Variants in PCDHA10 observed in about 807,000 individuals in gnomAD.
PCDHA10 encodes protocadherin alpha 10.
PCDHA10 carries 45 observed loss-of-function variants against 61.2 expected under a neutral mutation model. The observed-to-expected ratio is 0.74, with a 90% CI of 0.58 to 0.94. PCDHA10 has a LOEUF of 0.94. PCDHA10 is among the 40% of genes least tolerant of loss of function. PCDHA10 has a pLI of 0.00. For missense variants in PCDHA10, 1,278 were observed against 1,236.2 expected (o/e 1.03, Z -0.51); for synonymous variants, 602 against 548.8 (o/e 1.10, Z -1.35).
chr5:140,857,485 G>C lies in PCDHA10; in HGVS notation c.1437G>C (p.Trp479Cys), dbSNP rs1554150101. 1 of 1,598,368 alleles carries C rather than the reference G, an allele frequency of 6.3e-7. No homozygotes were observed. Among genetic ancestry groups the C allele is most frequent in the Non-Finnish European group, 8.6e-7 (1 of 1,167,876 alleles). The change falls in exon 1 of 4, where the codon TGG becomes TGC. Residue 479 changes from tryptophan to cysteine, a missense_variant. Trp to Cys is a radical substitution (Grantham distance 215, BLOSUM62 -2). Transcript: ENST00000307360. The stretch of plus-strand genomic sequence containing the variant: ...GCCACATCTTCACGGTGTCTGCGTG[G>C]GACGCGGACGCGCAGGAGAACGCCC... The part of the protein sequence containing the change: ...PGCHIFTVSA[W>C]DADAQENALV...
chr5:140,875,891 T>C (rs781902632), intron 1 of PCDHA10: 3 of 1,614,008 alleles, frequency 1.9e-6, no homozygotes, highest in Non-Finnish European at 2.5e-6. Context: ...GAACAAAAGG[T>C]ACCTGTTTCT....
chr5:140,857,777 A>C lies in PCDHA10; in HGVS notation c.1729A>C (p.Ser577Arg). The change falls in exon 1 of 4, where the codon AGT becomes CGT. Residue 577 changes from serine (S) to arginine (R), a missense_variant. By Grantham distance (110) the Ser-to-Arg change is moderately radical. Transcript: ENST00000307360. ...CGCTGGCAGCGCGGGCGGTGCAGTC[A>C]GTGAGCTGGTGCTGCGGTCGGTGGT... Reference protein sequence around the residue: ...SPAGSAGGAVSELVLRSVVAG... With the variant: ...SPAGSAGGAVRELVLRSVVAG... 6.3e-7 allele frequency: 1 copy of C among 1,597,518 alleles called. No homozygotes were observed. Among genetic ancestry groups the C allele is most frequent in the South Asian group, 1.1e-5 (1 of 90,488 alleles).
intron 1 of PCDHA10, chr5:140,871,459 G>A (rs781872546): frequency 6.2e-6 from 10 of 1,605,178 alleles, no homozygotes; most frequent in Admixed American, 1.7e-5. Flanking sequence ...GGAGGAAGGG[G>A]AAAGACAGGA....
intron 1 of PCDHA10, chr5:140,868,793 C>T: frequency 3.1e-6 from 1 of 326,092 alleles, no homozygotes; most frequent in Non-Finnish European, 5.5e-6. Context: ...CTGAATATTC[C>T]ATAAATAAGC....
chr5:140,968,201 C>T, intron 1 of PCDHA10: 1 of 1,614,032 alleles, frequency 6.2e-7, no homozygotes, highest in Non-Finnish European at 8.5e-7. Context: ...CATCTACATA[C>T]AGGAGAACAA....
chr5:140,967,610 T>A, intron 1 of PCDHA10: 1 of 1,614,108 alleles, frequency 6.2e-7, no homozygotes, highest in Non-Finnish European at 8.5e-7. Context: ...GCTGAATGCC[T>A]CAGACCCGGA....
At chr5:140,993,532 AG>A (rs2097571069) in intron 3 of PCDHA10, among the ~76,000 whole-genome samples, 7 of 152,102 alleles carry the variant, frequency 4.6e-5, no homozygotes, top group African/African-American at 1.7e-4. Context: ...ACAGAGAGAG[AG>A]AGAGATAGAG....
chr5:141,001,946 G>A (rs1554258360), intron 3 of PCDHA10, among the ~76,000 whole-genome samples: 4 of 147,266 alleles, frequency 2.7e-5, no homozygotes, highest in African/African-American at 1.1e-4. Flanking sequence ...CGGAAATAAG[G>A]AGGAGGGAGA....
At chr5:140,890,753 C>G (rs1274674281) in intron 1 of PCDHA10, among the ~76,000 whole-genome samples, 1 of 152,114 alleles carries the variant, frequency 6.6e-6, no homozygotes, top group African/African-American at 2.4e-5. Context: ...TTCTGTCATG[C>G]TTTAAAAATA....
At chr5:140,980,595 A>G (rs2096897056) in intron 2 of PCDHA10, among the ~76,000 whole-genome samples, 1 of 152,222 alleles carries the variant, frequency 6.6e-6, no homozygotes, top group South Asian at 2.1e-4. Context: ...GAGCCACTGC[A>G]CTCCAGCCTG....
chr5:140,968,080 G>A (rs782815703), intron 1 of PCDHA10: 14 of 1,614,102 alleles, frequency 8.7e-6, no homozygotes, highest in Middle Eastern at 1.7e-4. Context: ...ACAACATCAC[G>A]GTGACAGCCA....
At position 140,912,253 on chromosome 5, in the gene PCDHA10, G is replaced by A. The variant is rs531201374; in HGVS notation, c.2388+53817G>A. Among the ~76,000 whole-genome samples the A allele has an allele frequency of 4.8e-4, 73 of 152,064 alleles. 1 individual carries two copies. The highest frequency in any genetic ancestry group is 1.5e-3 in the South Asian group (7 of 4,810). ...ACTGACTCAAATGTTAATCTCCTTTGATGACACCCTCACAGATATACCCAG... is the reference window on the plus strand; with the variant it reads ...ACTGACTCAAATGTTAATCTCCTTTAATGACACCCTCACAGATATACCCAG... On this transcript the variant is annotated intron_variant, in intron 1 of 3. Coordinates refer to ENST00000307360, the MANE Select transcript of PCDHA10 (RefSeq NM_018901.4).
At chr5:140,959,956 G>A (rs78198535) in intron 1 of PCDHA10, among the ~76,000 whole-genome samples, 3,568 of 152,304 alleles carry the variant, frequency 0.023, 49 homozygotes, top group Middle Eastern at 0.034. Flanking sequence ...TCATAGGTAG[G>A]AGGTAGATGT....
chr5:140,870,836 A>G (rs375475405), intron 1 of PCDHA10: 3 of 1,613,796 alleles, frequency 1.9e-6, no homozygotes, highest in Non-Finnish European at 2.5e-6. Flanking sequence ...GCAGTTAACA[A>G]GCTAGTACCG....
chr5:140,857,591 A>C lies in PCDHA10; in HGVS notation c.1543A>C (p.Lys515Gln). ...SYVSVHAESGKVYALQPLDHE... is the reference protein window; with the variant it reads ...SYVSVHAESGQVYALQPLDHE... ...CGTGTCGGTGCACGCGGAGAGCGGC[A>C]AGGTGTACGCGCTGCAGCCGCTGGA... Residue 515 changes from lysine (K) to glutamine (Q), a missense_variant, in exon 1 of 4, where the codon AAG becomes CAG. Transcript: ENST00000307360. The C allele has an allele frequency of 6.3e-7, 1 of 1,596,270 alleles. No homozygotes were observed. The highest frequency in any genetic ancestry group is 8.6e-7 in the Non-Finnish European group (1 of 1,167,622).
intron 1 of PCDHA10, among the ~76,000 whole-genome samples, chr5:140,921,929 A>C (rs2080500807): frequency 6.6e-6 from 1 of 152,126 alleles, no homozygotes; most frequent in African/African-American, 2.4e-5. Flanking sequence ...CTTATAGTCA[A>C]TATAATTTTA....
chr5:140,928,785 G>A, intron 1 of PCDHA10: 1 of 1,614,144 alleles, frequency 6.2e-7, no homozygotes, highest in Middle Eastern at 1.6e-4. Context: ...ATGCAGTTAA[G>A]CAGAGGGTGG....
Position 140,856,949 on chromosome 5 carries a change from ATAAAAG to A in PCDHA10, c.906_911del (p.Lys302_Val303del). ...TTGGATAAACGAAAGGACGGGAGAA[ATAAAAG>A]TAAATGATGCTATTGACTTTGAGGA... On this transcript the variant is annotated inframe_deletion, in exon 1 of 4. Transcript: ENST00000307360. 1 of 1,592,772 alleles carries A rather than the reference ATAAAAG, an allele frequency of 6.3e-7. No individual in the cohort carries two copies. The highest frequency in any genetic ancestry group is 8.6e-7 in the Non-Finnish European group (1 of 1,162,726).
At position 140,857,394 on chromosome 5, in the gene PCDHA10, A is replaced by G; in HGVS notation, c.1346A>G (p.Asp449Gly). The G allele has an allele frequency of 6.3e-7, 1 of 1,598,398 alleles. No individual in the cohort carries two copies. Among genetic ancestry groups the G allele is most frequent in the Non-Finnish European group, 8.6e-7 (1 of 1,167,862 alleles). ...TCTGTGGAGGTGGCCGACGTGAACG[A>G]CAACGCGCCTGCGTTCGCGCAGTCC... ...SVSVEVADVN[D>G]NAPAFAQSEY... is the part of the protein sequence containing the mutation. The change falls in exon 1 of 4, where the codon GAC becomes GGC. Residue 449 changes from aspartate (D) to glycine (G), a missense_variant. Asp to Gly is a moderately conservative substitution (Grantham distance 94). Coordinates refer to ENST00000307360, the MANE Select transcript of PCDHA10 (RefSeq NM_018901.4).
Sources: allele counts gnomAD v4.1 joint callset (sites outside exome capture counted in the v4.1 genomes callset), GRCh38; gene constraint gnomAD v4.1.1; transcripts MANE v1.5; gene names NCBI Gene and HGNC (gene_info 2026-07-23, HGNC 2026-07-21).